CASS4: variants seen among roughly 807,000 people sequenced by gnomAD.
CASS4 encodes cas scaffolding protein family member 4.
In CASS4, 22 loss-of-function variants were observed where a neutral mutation model predicts 54.2. The observed-to-expected ratio is 0.41, with a 90% CI of 0.29 to 0.58. The LOEUF (loss-of-function observed/expected upper bound fraction) is 0.58, where lower values mean the gene tolerates loss of function less well. Among genes scored for constraint, CASS4 ranks in the 20% least tolerant of loss-of-function variants. CASS4 has a pLI of 0.36. For missense variants in CASS4, 854 were observed against 986.7 expected (o/e 0.87, Z 1.80); for synonymous variants, 409 against 391.5 (o/e 1.04, Z -0.53).
At position 56,437,040 on chromosome 20, in the gene CASS4, T is replaced by G; in HGVS notation, c.37-124T>G. On this transcript the variant is annotated intron_variant, in intron 1 of 5. Coordinates refer to ENST00000679887, the MANE Select transcript of CASS4 (RefSeq NM_020356.4). This position sits in a 1 kb window ranked among gnomAD's most constrained non-coding sequence, Gnocchi z 4.7. ...AGAGCAGGGACAAGAGCCTCTGGGGTGGAAGAAATGAAATGAAAGGGCATG... is the reference window on the plus strand; with the variant it reads ...AGAGCAGGGACAAGAGCCTCTGGGGGGGAAGAAATGAAATGAAAGGGCATG... The G allele has an allele frequency of 1.2e-6, 1 of 857,822 alleles. No individual in the cohort carries two copies. The allele number at this position is 857,822 out of a possible 1,614,324, so 53.1% of individuals were successfully genotyped here. A position where few individuals can be genotyped will look rare whatever the true frequency, so the allele number is the denominator to read the frequency against.
intron 1 of CASS4, among the ~76,000 whole-genome samples, chr20:56,435,287 G>C (rs1395436376): frequency 2.1e-5 from 3 of 146,172 alleles, no homozygotes; most frequent in African/African-American, 8.0e-5. Context: ...TAATGGAAGA[G>C]TTGGTCACTT....
intron 3 of CASS4, among the ~76,000 whole-genome samples, chr20:56,450,031 C>CTTTTTTTTTTTTT (rs112371637): frequency 2.7e-5 from 4 of 145,672 alleles, no homozygotes; most frequent in Non-Finnish European, 1.5e-5. Context: ...GTTGAGAGGT[C>CTTTTTTTTTTTTT]TTTTTTTTTT....
intron 2 of CASS4, among the ~76,000 whole-genome samples, chr20:56,445,656 A>G (rs1409136197): frequency 2.0e-5 from 3 of 152,186 alleles, no homozygotes; most frequent in Non-Finnish European, 4.4e-5. Context: ...CTTCAGGTGA[A>G]CTTCCCAGGT....
rs1981538339 is a variant in CASS4, at chr20:56,460,240, A to G, written c.*1493A>G. 6.6e-6 allele frequency: 1 copy of G among 152,432 alleles called. No homozygotes were observed. Among genetic ancestry groups the G allele is most frequent in the Non-Finnish European group, 1.5e-5 (1 of 67,982 alleles). 9.4% of individuals were successfully genotyped at this position (152,432 alleles called of 1,614,324 possible). A position where few individuals can be genotyped will look rare whatever the true frequency, so the allele number is the denominator to read the frequency against. On this transcript the variant is annotated 3_prime_UTR_variant, in exon 6 of 6. Transcript: ENST00000679887. ...TGATAAATTCTGCTCAATTTGAAAA[A>G]TTTTATATTTTGTCTCAAATCTGTT...
chr20:56,431,453 T>C (rs1053504164), intron 1 of CASS4, among the ~76,000 whole-genome samples: 3 of 152,234 alleles, frequency 2.0e-5, no homozygotes, highest in African/African-American at 7.2e-5. Context: ...AGTGTTTCAT[T>C]CATATTGAGG....
At position 56,412,558 on chromosome 20, in the gene CASS4, T is replaced by C; in HGVS notation, c.36+64T>C. On this transcript the variant is annotated intron_variant, in intron 1 of 5. Transcript: ENST00000679887. This position sits in a 1 kb window ranked among gnomAD's most constrained non-coding sequence, Gnocchi z 4.2. ...GAGCAAGCTGTGATGATTAAGGGTG[T>C]TGACCAGCTTTAGTTGTGACTTTCT... 6.5e-7 allele frequency: 1 copy of C among 1,531,000 alleles called. No homozygotes were observed. Among genetic ancestry groups the C allele is most frequent in the South Asian group, 1.2e-5 (1 of 85,692 alleles). The allele number at this position is 1,531,000 out of a possible 1,614,324, so 94.8% of individuals were successfully genotyped here. A position where few individuals can be genotyped will look rare whatever the true frequency, so the allele number is the denominator to read the frequency against.
rs1054346332 is a variant in CASS4 at position 56,460,148 on chromosome 20, T to C, written c.*1401T>C. On this transcript the variant is annotated 3_prime_UTR_variant, in exon 6 of 6. Transcript: ENST00000679887. ...TACTTTAACCTAAAGATAGATGTTA[T>C]ATTTACAACATAACATGATCTGTTG... 1 of 152,598 alleles carries C rather than the reference T, an allele frequency of 6.6e-6. No individual in the cohort carries two copies. Among genetic ancestry groups the C allele is most frequent in the Admixed American group, 6.5e-5 (1 of 15,274 alleles). 9.5% of individuals were successfully genotyped at this position (152,598 alleles called of 1,614,324 possible). A position where few individuals can be genotyped will look rare whatever the true frequency, so the allele number is the denominator to read the frequency against.
intron 5 of CASS4, among the ~76,000 whole-genome samples, chr20:56,456,129 G>A (rs981851942): frequency 6.6e-6 from 1 of 151,846 alleles, no homozygotes; most frequent in East Asian, 1.9e-4. Flanking sequence ...GTGGAGGCCC[G>A]GGGCACCGTT....
chr20:56,443,207 C>G (rs745667936), intron 2 of CASS4, among the ~76,000 whole-genome samples: 2 of 150,958 alleles, frequency 1.3e-5, no homozygotes, highest in African/African-American at 4.9e-5. Flanking sequence ...TCTGGCCTGG[C>G]GCGGTGGCTC....
At chr20:56,448,468 G>C (rs79693140) in intron 3 of CASS4, among the ~76,000 whole-genome samples, 4,422 of 152,044 alleles carry the variant, frequency 0.029, 218 homozygotes, top group African/African-American at 0.1. Flanking sequence ...CAGAGTCAGC[G>C]CCCAACCACT....
Position 56,458,378 on chromosome 20 carries a change from G to A in CASS4, c.1992G>A (p.Gln664=). Residue 664 remains glutamine, a synonymous_variant, in exon 6 of 6, where the codon CAG becomes CAA. Transcript: ENST00000679887. ...TTATACCTCAGCCTTCGAGTCAACA[G>A]ACTCCTGAGAGGAAACCCCGCTTAT... ...GPLIPQPSSQ[Q]TPERKPRLSE... The A allele has an allele frequency of 1.9e-6, 3 of 1,613,612 alleles. No homozygotes were observed. The highest frequency in any genetic ancestry group is 2.5e-6 in the Non-Finnish European group (3 of 1,179,650).
chr20:56,427,032 G>A (rs1366675624), intron 1 of CASS4, among the ~76,000 whole-genome samples: 1 of 152,132 alleles, frequency 6.6e-6, no homozygotes, highest in East Asian at 1.9e-4. Context: ...ATGGTGATGT[G>A]TGCCTGTAGT....
chr20:56,421,849 G>GAGGGA (rs1271573031), intron 1 of CASS4, among the ~76,000 whole-genome samples: 9 of 152,136 alleles, frequency 5.9e-5, no homozygotes, highest in African/African-American at 2.2e-4. Flanking sequence ...AAAAAGGAAA[G>GAGGGA]AGGGAAGGAA....
At position 56,458,602 on chromosome 20, in the gene CASS4, A is replaced by T. The variant is rs774386861; in HGVS notation, c.2216A>T (p.His739Leu). ...VRNEILRGSS[H>L]LCSLLKDVAL... ...AACGAGATCCTCCGTGGCAGCAGTCACCTCTGCAGCCTGCTCAAGGACGTA... is the reference window on the plus strand; with the variant it reads ...AACGAGATCCTCCGTGGCAGCAGTCTCCTCTGCAGCCTGCTCAAGGACGTA... The change falls in exon 6 of 6, where the codon CAC becomes CTC. Residue 739 changes from histidine to leucine, a missense_variant. By Grantham distance (99) the His-to-Leu change is moderately conservative. Coordinates refer to ENST00000679887, the MANE Select transcript of CASS4 (RefSeq NM_020356.4). 1.9e-6 allele frequency: 3 copies of T among 1,613,908 alleles called. No individual in the cohort carries two copies. Among genetic ancestry groups the T allele is most frequent in the Non-Finnish European group, 2.5e-6 (3 of 1,179,938 alleles).
rs905215811 is a variant in CASS4 at position 56,458,839 on chromosome 20, C to T, written c.*92C>T. 7.7e-7 allele frequency: 1 copy of T among 1,300,934 alleles called. No individual in the cohort carries two copies. The highest frequency in any genetic ancestry group is 1.5e-5 in the African/African-American group (1 of 67,258). The allele number at this position is 1,300,934 out of a possible 1,614,324, so 80.6% of individuals were successfully genotyped here. A position where few individuals can be genotyped will look rare whatever the true frequency, so the allele number is the denominator to read the frequency against. On this transcript the variant is annotated 3_prime_UTR_variant, in exon 6 of 6. Coordinates refer to ENST00000679887, the MANE Select transcript of CASS4 (RefSeq NM_020356.4). Reference sequence around the variant, plus strand: ...GCCCTATGGGAAAAGCCAGCCGGGGCATACACCAATGAGCTGAAACAGACC... The same window carrying T: ...GCCCTATGGGAAAAGCCAGCCGGGGTATACACCAATGAGCTGAAACAGACC...
At position 56,417,701 on chromosome 20, in the gene CASS4, T is replaced by G. The variant is rs1600742557; in HGVS notation, c.36+5207T>G. ...CTTACAGGGAGTGCAGGTGGAGCCC[T>G]GGCTGCAGCCCCGCTGTGAGGATAG... On this transcript the variant is annotated intron_variant, in intron 1 of 5. Transcript: ENST00000679887. Among the ~76,000 whole-genome samples, 3 of 152,326 alleles carry G rather than the reference T, an allele frequency of 2.0e-5. No homozygotes were observed. In the Middle Eastern group the frequency reaches 0.01, roughly 518 times the overall value.
chr20:56,418,272 A>C (rs552185810), intron 1 of CASS4, among the ~76,000 whole-genome samples: 1 of 152,318 alleles, frequency 6.6e-6, no homozygotes, highest in South Asian at 2.1e-4. Flanking sequence ...GCAGATGCCA[A>C]GGGCCTGCAG....
chr20:56,434,326 T>G (rs1036761312), intron 1 of CASS4, among the ~76,000 whole-genome samples: 1 of 152,198 alleles, frequency 6.6e-6, no homozygotes, highest in Admixed American at 6.5e-5. Flanking sequence ...AGCTAAAATG[T>G]CCAAAACCAA....
At chr20:56,436,700 G>C (rs1471348357) in intron 1 of CASS4, among the ~76,000 whole-genome samples, 1 of 151,878 alleles carries the variant, frequency 6.6e-6, no homozygotes, top group African/African-American at 2.4e-5. Flanking sequence ...AACCAGCCTG[G>C]GCAATGGCAA....
Sources: gnomAD v4.1 joint callset for allele counts (sites outside exome capture counted in the v4.1 genomes callset) on GRCh38, gnomAD v4.1.1 for gene constraint, Gnocchi (gnomAD v3.1) non-coding constraint, MANE v1.5 for transcripts, NCBI Gene and HGNC (gene_info 2026-07-23, HGNC 2026-07-21) for gene names.